Variants in CIC observed in about 807,000 individuals in gnomAD.
The protein encoded by CIC is protein capicua homolog.
CIC carries 18 observed loss-of-function variants against 115.7 expected under a neutral mutation model. The observed-to-expected ratio is 0.16, with a 90% CI of 0.11 to 0.23. The LOEUF (loss-of-function observed/expected upper bound fraction) is 0.23. Among genes scored for constraint, CIC ranks in the 10% least tolerant of loss-of-function variants. CIC has a pLI of 1.00. For missense variants in CIC, 2,000 were observed against 2,159.3 expected (o/e 0.93, Z 1.46); for synonymous variants, 1,076 against 923.0 (o/e 1.17, Z -3.01).
At position 42,287,110 on chromosome 19, in the gene CIC, C is replaced by T. The variant is rs1269587855; in HGVS notation, c.3049C>T (p.Pro1017Ser). ...PGATCPESPG[P>S]GPPHPLGVVE... ...AGCCACATGCCCTGAGAGCCCAGGA[C>T]CCGGACCCCCACACCCTTTGGGGGT... The change falls in exon 4 of 21, where the codon CCC becomes TCC. Residue 1017 changes from proline to serine, a missense_variant. Pro to Ser is a moderately conservative substitution (Grantham distance 74, BLOSUM62 -1). Around this residue, in one of 8 missense-constraint regions of CIC, gnomAD observed 222 missense variants for 247.7 expected, o/e 0.90. Coordinates refer to ENST00000681038, the MANE Select transcript of CIC (RefSeq NM_001386298.1). The surrounding 1 kb of genome is among the most constrained non-coding windows in gnomAD (Gnocchi z 8.7). The T allele has an allele frequency of 3.7e-6, 6 of 1,613,438 alleles. No individual in the cohort carries two copies. Among genetic ancestry groups the T allele is most frequent in the South Asian group, 1.1e-5 (1 of 91,080 alleles).
chr19:42,293,436 C>A (rs2038297043), intron 16 of CIC, among the ~76,000 whole-genome samples, 155 bp downstream of exon 16: 1 of 152,252 alleles, frequency 6.6e-6, no homozygotes, highest in Non-Finnish European at 1.5e-5. Context: ...GTTGTCTCCT[C>A]TCCCATCTGA....
chr19:42,295,110 G>C lies in CIC; in HGVS notation c.7473G>C (p.Gly2491=), dbSNP rs1363512650. Residue 2491 remains glycine (G), a synonymous_variant, in exon 21 of 21, where the codon GGG becomes GGC. Transcript: ENST00000681038. ...CACTGCCTCCACCCCCAGAGTCGGG[G>C]CCTGGACAGCCTGGCTGGGAGGGGG... ...APPLPPPPES[G]PGQPGWEGAP... The C allele has an allele frequency of 1.3e-6, 2 of 1,520,706 alleles. No homozygotes were observed. The highest frequency in any genetic ancestry group is 2.0e-5 in the Admixed American group (1 of 49,016). The allele number at this position is 1,520,706 out of a possible 1,614,324, so 94.2% of individuals were successfully genotyped here.
chr19:42,284,919 G>T (rs1039643418), intron 2 of CIC: 3 of 749,728 alleles, frequency 4.0e-6, no homozygotes, highest in Non-Finnish European at 4.5e-6. Context: ...CGGCCGGGCC[G>T]AGTGGTTAGT....
At position 42,292,188 on chromosome 19, in the gene CIC, C is replaced by T. The variant is rs1395359630; in HGVS notation, c.5716C>T (p.Leu1906=). The T allele has an allele frequency of 6.2e-7, 1 of 1,613,962 alleles. No individual in the cohort carries two copies. Among genetic ancestry groups the T allele is most frequent in the Non-Finnish European group, 8.5e-7 (1 of 1,180,044 alleles). ...PGPTSQPQKV[L]LPSSTRITYV... ...ACCCACCTCTCAGCCTCAGAAGGTC[C>T]TGTTGCCCTCCTCCACCAGGTAATT... The change falls in exon 13 of 21, where the codon CTG becomes TTG. Residue 1906 remains leucine, a synonymous_variant. Transcript: ENST00000681038.
intron 2 of CIC, among the ~76,000 whole-genome samples, chr19:42,277,364 G>A (rs143827223): frequency 0.048 from 7,346 of 152,290 alleles, 280 homozygotes; most frequent in South Asian, 0.15. Context: ...CGAATAGCTG[G>A]GATTACAGGA....
chr19:42,293,228 C>G lies in CIC; in HGVS notation c.6469C>G (p.Pro2157Ala). 6.3e-7 allele frequency: 1 copy of G among 1,595,852 alleles called. No individual in the cohort carries two copies. ...GACTCCCACGGCCCGGAGCAGCCCC[C>G]CACTGCCCCCACCTGCTGAGGAGCG... ...TWTPTARSSP[P>A]LPPPAEERTS... The change falls in exon 16 of 21, where the codon CCA becomes GCA. Residue 2157 changes from proline to alanine, a missense_variant. Pro to Ala is a conservative substitution (Grantham distance 27). Transcript: ENST00000681038.
intron 2 of CIC, among the ~76,000 whole-genome samples, chr19:42,283,209 G>C (rs931753514): frequency 1.3e-5 from 2 of 152,126 alleles, no homozygotes; most frequent in African/African-American, 4.8e-5. Flanking sequence ...GTGTGTGGTT[G>C]TGTGGGAGGG....
chr19:42,281,024 C>G (rs1437515987), intron 2 of CIC, among the ~76,000 whole-genome samples: 1 of 151,608 alleles, frequency 6.6e-6, no homozygotes, highest in Non-Finnish European at 1.5e-5. Flanking sequence ...CAGCCCCACT[C>G]ACACTGACTC....
At chr19:42,282,016 G>T (rs1599871317) in intron 2 of CIC, among the ~76,000 whole-genome samples, 1 of 152,184 alleles carries the variant, frequency 6.6e-6, no homozygotes, top group Non-Finnish European at 1.5e-5. Context: ...GGAGAGGAGG[G>T]GGCAGTGGTA....
Position 42,270,618 on chromosome 19 carries a change from G to T in CIC, c.-10-1156G>T, listed in dbSNP as rs1399471098. On this transcript the variant is annotated intron_variant, in intron 1 of 20. Transcript: ENST00000681038. The surrounding 1 kb of genome is among the most constrained non-coding windows in gnomAD (Gnocchi z 4.1). ...TCCCACCTATCCCCACTTGGAGTTGGAGGGCATATTTGGGGGCCTGCGGGG... is the reference window on the plus strand; with the variant it reads ...TCCCACCTATCCCCACTTGGAGTTGTAGGGCATATTTGGGGGCCTGCGGGG... Among the ~76,000 whole-genome samples, 1 of 152,172 alleles carries T rather than the reference G, an allele frequency of 6.6e-6. No homozygotes were observed. The highest frequency in any genetic ancestry group is 2.4e-5 in the African/African-American group (1 of 41,438).
chr19:42,268,578 C>T (rs1450117284), upstream of CIC: 3 of 152,238 alleles, frequency 2.0e-5, no homozygotes, highest in Admixed American at 6.5e-5. Flanking sequence ...CCGGCGACGC[C>T]AGAGCCAGGA....
At position 42,286,809 on chromosome 19, in the gene CIC, C is replaced by T; in HGVS notation, c.2833C>T (p.Pro945Ser). Reference protein sequence around the residue: ...NVEPRSVAVFPWHSLVPFLAP... With the variant: ...NVEPRSVAVFSWHSLVPFLAP... ...GGAACCTCGCTCTGTGGCTGTGTTC[C>T]CTTGGCACTCCTTAGTCCCCTTCCT... The change falls in exon 3 of 21, where the codon CCT becomes TCT. Residue 945 changes from proline (P) to serine (S), a missense_variant. Physicochemically the swap from Pro to Ser is moderately conservative, Grantham distance 74 (BLOSUM62 -1). Coordinates refer to ENST00000681038, the MANE Select transcript of CIC (RefSeq NM_001386298.1). 6.2e-7 allele frequency: 1 copy of T among 1,613,992 alleles called. No homozygotes were observed. Among genetic ancestry groups the T allele is most frequent in the Non-Finnish European group, 8.5e-7 (1 of 1,179,980 alleles).
At chr19:42,279,576 G>A (rs73932880) in intron 2 of CIC, among the ~76,000 whole-genome samples, 19 of 152,260 alleles carry the variant, frequency 1.2e-4, no homozygotes, top group Admixed American at 1.2e-3. Context: ...GAGTGAAAGT[G>A]CATGAACTCC....
At position 42,295,137 on chromosome 19, in the gene CIC, TC is replaced by T; in HGVS notation, c.7504del (p.Gln2502SerfsTer27). 1.4e-6 allele frequency: 2 copies of T among 1,434,698 alleles called. No homozygotes were observed. Among genetic ancestry groups the T allele is most frequent in the Non-Finnish European group, 1.9e-6 (2 of 1,078,586 alleles). The allele number at this position is 1,434,698 out of a possible 1,614,324, so 88.9% of individuals were successfully genotyped here. On this transcript the variant is annotated frameshift_variant, in exon 21 of 21. Transcript: ENST00000681038. LOFTEE classifies it high-confidence loss of function. ...CTGGACAGCCTGGCTGGGAGGGGGC[TC>T]CCCAGCCCTCCCCCCCACCCCCAGG... ...GPGQPGWEGA[P>X]QPSPPPPGPS...
In CIC at chr19:42,287,262, A is replaced by T. The variant is rs2147186131; in HGVS notation, c.3179+22A>T. On this transcript the variant is annotated intron_variant, in intron 4 of 20. Transcript: ENST00000681038. The surrounding 1 kb of genome is among the most constrained non-coding windows in gnomAD (Gnocchi z 8.7). The stretch of plus-strand genomic sequence containing the variant: ...ATGCGTGAGTTCCCTGAGGCCTGGG[A>T]CTTGGGGGTGGGATGGCCAGAGACA... 1 of 1,613,780 alleles carries T rather than the reference A, an allele frequency of 6.2e-7. No individual in the cohort carries two copies. The highest frequency in any genetic ancestry group is 8.5e-7 in the Non-Finnish European group (1 of 1,179,918).
intron 2 of CIC, among the ~76,000 whole-genome samples, chr19:42,278,440 C>T (rs1319734920): frequency 1.3e-5 from 2 of 152,238 alleles, no homozygotes; most frequent in African/African-American, 4.8e-5. Context: ...TAGGTCTATA[C>T]GTGTGTCTCT....
chr19:42,285,963 TTCTGGCCCATTG>T (rs1237976380), intron 2 of CIC, among the ~76,000 whole-genome samples: 1 of 152,240 alleles, frequency 6.6e-6, no homozygotes, highest in Non-Finnish European at 1.5e-5. Context: ...CAATTCTCTC[TTCTGGCCCATTG>T]TCCGTGGTTT....
rs199751904 is a variant in CIC at position 42,290,765 on chromosome 19, G to A, written c.4724G>A (p.Arg1575His). The change falls in exon 11 of 21, where the codon CGT becomes CAT. Residue 1575 changes from arginine to histidine, a missense_variant. Physicochemically the swap from Arg to His is conservative, Grantham distance 29 (BLOSUM62 0). Coordinates refer to ENST00000681038, the MANE Select transcript of CIC (RefSeq NM_001386298.1). ...GGGGCCCCAGCAGCTCCCCTGTCCCGTCCTGCCGCCACCATGGTCACCAAT... is the reference window on the plus strand; with the variant it reads ...GGGGCCCCAGCAGCTCCCCTGTCCCATCCTGCCGCCACCATGGTCACCAAT... The part of the protein sequence containing the change: ...AYGAPAAPLS[R>H]PAATMVTNVV... 3.1e-5 allele frequency: 50 copies of A among 1,611,720 alleles called. No individual in the cohort carries two copies. The highest frequency in any genetic ancestry group is 3.6e-5 in the Non-Finnish European group (43 of 1,179,476).
In CIC at chr19:42,292,474, G is replaced by A; in HGVS notation, c.5902+8G>A. 1.2e-6 allele frequency: 2 copies of A among 1,611,178 alleles called. No individual in the cohort carries two copies. Among genetic ancestry groups the A allele is most frequent in the South Asian group, 2.2e-5 (2 of 90,996 alleles). On this transcript the variant is annotated splice_region_variant and intron_variant, in intron 14 of 20. Transcript: ENST00000681038. ...TGCAGCCCCTGCTCTCAGGTGAGGG[G>A]CGGCCTGGCAGGCAGTGCTGGGGAC...
Sources: gnomAD v4.1 joint callset for allele counts (sites outside exome capture counted in the v4.1 genomes callset) on GRCh38, gnomAD v4.1.1 for gene constraint, gnomAD v4.1.1 regional missense constraint, Gnocchi (gnomAD v3.1) non-coding constraint, MANE v1.5 for transcripts, NCBI Gene and HGNC (gene_info 2026-07-23, HGNC 2026-07-21) for gene names.